Variants in BCAS3 observed in about 807,000 individuals in gnomAD.
BCAS3 encodes BCAS3 microtubule associated cell migration factor.
A neutral mutation model predicts 116.1 loss-of-function variants in BCAS3; 53 were observed. That is an observed-to-expected ratio of 0.46 (90% CI 0.37 to 0.57). The LOEUF (loss-of-function observed/expected upper bound fraction) is 0.57, where lower values mean the gene tolerates loss of function less well. Among genes scored for constraint, BCAS3 ranks in the 20% least tolerant of loss-of-function variants. The probability of loss-of-function intolerance (pLI) is 0.00; values close to 1 mark genes in which losing one functional copy is unlikely to be tolerated. For missense variants in BCAS3, 917 were observed against 1,165.4 expected, an observed-to-expected ratio of 0.79 and a Z score of 3.10; for synonymous variants, 391 against 408.2, an observed-to-expected ratio of 0.96 and a Z score of 0.51.
At chr17:60,888,360 A>G (rs1382699525) in intron 9 of BCAS3, among the ~76,000 whole-genome samples, 1 of 152,198 alleles carries the variant, frequency 6.6e-6, no homozygotes, top group Non-Finnish European at 1.5e-5. Context: ...CTCTGTGTCT[A>G]ATGTAACACC....
chr17:60,704,672 C>G (rs569489257), intron 4 of BCAS3, among the ~76,000 whole-genome samples: 37 of 152,044 alleles, frequency 2.4e-4, no homozygotes, highest in Admixed American at 2.4e-3. Flanking sequence ...GATACCCCAT[C>G]TCTACTAGTA....
At chr17:61,166,754 C>G (rs1214667000) in intron 22 of BCAS3, among the ~76,000 whole-genome samples, 1 of 152,154 alleles carries the variant, frequency 6.6e-6, no homozygotes, top group Non-Finnish European at 1.5e-5. Flanking sequence ...CACTCCGTCG[C>G]ACAGGCTGGA....
Position 61,265,074 on chromosome 17 carries a change from C to T in BCAS3, c.2426-103253C>T, listed in dbSNP as rs1039734737. On this transcript the variant is annotated intron_variant, in intron 22 of 23. Transcript: ENST00000407086. The surrounding 1 kb of genome is among the most constrained non-coding windows in gnomAD (Gnocchi z 4.3). ...TATATAAATTATTTAACATTAGTTA[C>T]CTCACCGGGTTAGTTTGACAATTAC... 6.6e-6 allele frequency among the ~76,000 whole-genome samples: 1 copy of T among 152,126 alleles called. No individual in the cohort carries two copies. The highest frequency in any genetic ancestry group is 2.1e-4 in the South Asian group (1 of 4,826).
chr17:61,236,848 A>T (rs1018472500), intron 22 of BCAS3, among the ~76,000 whole-genome samples: 2 of 152,122 alleles, frequency 1.3e-5, no homozygotes, highest in Non-Finnish European at 2.9e-5. Context: ...ATGTGGCTCT[A>T]AAAGTGGTTT....
intron 12 of BCAS3, 28 bp downstream of exon 12, chr17:60,910,730 G>A: frequency 6.4e-7 from 1 of 1,561,702 alleles, no homozygotes; most frequent in Non-Finnish European, 8.7e-7. Context: ...TGCGTACCAT[G>A]TGTGTTACTT....
chr17:61,062,830 AT>A (rs1049102123), intron 19 of BCAS3, among the ~76,000 whole-genome samples: 2 of 151,968 alleles, frequency 1.3e-5, no homozygotes, highest in East Asian at 3.9e-4. Context: ...CCCTTTAATG[AT>A]TTTTTTTAAG....
rs2064900273 is a variant in BCAS3 at position 61,008,781 on chromosome 17, A to C, written c.1487-6970A>C. Among the ~76,000 whole-genome samples, 2 of 152,090 alleles carry C rather than the reference A, an allele frequency of 1.3e-5. No individual in the cohort carries two copies. Among genetic ancestry groups the C allele is most frequent in the South Asian group, 4.1e-4 (2 of 4,834 alleles). ...AAAGATATGATATAGGGAATAGAAC[A>C]TCTACATGATGTCTTAGAATAGGTA... On this transcript the variant is annotated intron_variant, in intron 15 of 23. Transcript: ENST00000407086. This position sits in a 1 kb window ranked among gnomAD's most constrained non-coding sequence, Gnocchi z 4.6.
chr17:60,747,229 T>C lies in BCAS3; in HGVS notation c.353T>C (p.Val118Ala), dbSNP rs763260459. ...GGTGAAGCACAAGAGCTCTTCTCTG[T>C]TCGACATGGCCCAATTCGAGCGGCT... ...ISGEAQELFSVRHGPIRAARI... is the reference protein window; with the variant it reads ...ISGEAQELFSARHGPIRAARI... Residue 118 changes from valine (V) to alanine (A), a missense_variant, in exon 6 of 24, where the codon GTT (valine) becomes GCT (alanine). Val to Ala is a moderately conservative substitution (Grantham distance 64). Transcript: ENST00000407086. 6.2e-7 allele frequency: 1 copy of C among 1,613,430 alleles called. No individual in the cohort carries two copies. Among genetic ancestry groups the C allele is most frequent in the Non-Finnish European group, 8.5e-7 (1 of 1,179,392 alleles).
chr17:60,886,100 G>A (rs2056612875), intron 9 of BCAS3, among the ~76,000 whole-genome samples: 1 of 122,442 alleles, frequency 8.2e-6, no homozygotes, highest in Non-Finnish European at 1.7e-5. Flanking sequence ...CGTAGATTTG[G>A]TCTTTTCACA....
At chr17:61,232,856 A>C (rs946746806) in intron 22 of BCAS3, among the ~76,000 whole-genome samples, 1 of 152,182 alleles carries the variant, frequency 6.6e-6, no homozygotes, top group African/African-American at 2.4e-5. Context: ...TTTTCTTTTT[A>C]GAGTTGCTTA....
intron 22 of BCAS3, among the ~76,000 whole-genome samples, chr17:61,184,252 T>C (rs1465003262): frequency 6.6e-6 from 1 of 152,102 alleles, no homozygotes; most frequent in East Asian, 1.9e-4. Context: ...ATTGATAAAG[T>C]AATTGTGTGC....
At chr17:60,799,055 A>G (rs1009103576) in intron 6 of BCAS3, among the ~76,000 whole-genome samples, 1 of 152,164 alleles carries the variant, frequency 6.6e-6, no homozygotes, top group Non-Finnish European at 1.5e-5. Context: ...TTGGCTAACA[A>G]TCCTTTTATC....
At chr17:60,792,838 TCTTTA>T (rs1353489523) in intron 6 of BCAS3, among the ~76,000 whole-genome samples, 2 of 152,186 alleles carry the variant, frequency 1.3e-5, no homozygotes, top group East Asian at 3.9e-4. Flanking sequence ...AAACCCCTTT[TCTTTA>T]GACTACCCAG....
chr17:61,346,922 G>A lies in BCAS3; in HGVS notation c.2426-21405G>A, dbSNP rs191412873. On this transcript the variant is annotated intron_variant, in intron 22 of 23. Transcript: ENST00000407086. The surrounding 1 kb of genome is among the most constrained non-coding windows in gnomAD (Gnocchi z 5.4). The stretch of plus-strand genomic sequence containing the variant: ...GTCTCAAATCTGCAGAAGGCAGTTC[G>A]TCATGTCACTTGGTCACTTGGCACC... 2.1e-4 allele frequency among the ~76,000 whole-genome samples: 32 copies of A among 152,304 alleles called. No homozygotes were observed. Among genetic ancestry groups the A allele is most frequent in the Non-Finnish European group, 3.8e-4 (26 of 68,028 alleles).
intron 14 of BCAS3, among the ~76,000 whole-genome samples, chr17:60,984,046 CTA>C (rs2145410001): frequency 6.6e-6 from 1 of 152,288 alleles, no homozygotes; most frequent in Non-Finnish European, 1.5e-5. Context: ...TCTGGAATAA[CTA>C]TTTATCTGAA....
intron 22 of BCAS3, among the ~76,000 whole-genome samples, chr17:61,185,509 G>A (rs553674230): frequency 1.3e-5 from 2 of 152,166 alleles, no homozygotes; most frequent in East Asian, 1.9e-4. Flanking sequence ...GTTAGAGATC[G>A]GAAGTAACCA....
intron 22 of BCAS3, among the ~76,000 whole-genome samples, chr17:61,183,302 A>G (rs2079583275): frequency 6.6e-6 from 1 of 152,170 alleles, no homozygotes; most frequent in African/African-American, 2.4e-5. Context: ...GAACAAAAGC[A>G]TGATCTTAAG....
intron 7 of BCAS3, among the ~76,000 whole-genome samples, chr17:60,839,896 C>G (rs1284214505): frequency 6.6e-6 from 1 of 152,068 alleles, no homozygotes; most frequent in Non-Finnish European, 1.5e-5. Flanking sequence ...CTTTGTTCCG[C>G]TTTTCCTAAT....
intron 5 of BCAS3, among the ~76,000 whole-genome samples, chr17:60,744,320 A>G (rs1221807059): frequency 2.0e-5 from 3 of 152,128 alleles, no homozygotes; most frequent in African/African-American, 7.2e-5. Flanking sequence ...CTAAAAAATC[A>G]CTCTTGACAG....
Sources: allele counts gnomAD v4.1 joint callset (sites outside exome capture counted in the v4.1 genomes callset), GRCh38; gene constraint gnomAD v4.1.1; non-coding constraint Gnocchi (gnomAD v3.1); transcripts MANE v1.5; gene names NCBI Gene and HGNC (gene_info 2026-07-23, HGNC 2026-07-21).